Variants in CHL1 observed in about 807,000 individuals in gnomAD.
CHL1 encodes the protein neural cell adhesion molecule L1-like protein.
A neutral mutation model predicts 141.9 loss-of-function variants in CHL1; 96 were observed. That is an observed-to-expected ratio of 0.68 (90% CI 0.57 to 0.80). The LOEUF is 0.80. Among genes scored for constraint, CHL1 ranks in the 30% least tolerant of loss-of-function variants. CHL1 has a pLI of 0.00. For synonymous variants in CHL1, 613 were observed against 502.2 expected, an observed-to-expected ratio of 1.22 and a Z score of -2.95; for missense variants, 1,820 against 1,457.2, an observed-to-expected ratio of 1.25 and a Z score of -4.05.
intron 27 of CHL1, among the ~76,000 whole-genome samples, chr3:401,905 C>G (rs149220963): frequency 1.2e-3 from 189 of 152,336 alleles, no homozygotes; most frequent in African/African-American, 4.2e-3. Context: ...TAATTACCGT[C>G]TAGGCAGAAA....
rs1194652807 is a variant in CHL1 at position 252,371 on chromosome 3, T to TATATAC, written c.-95+7684_-95+7685insCATATA. 4.5e-4 allele frequency among the ~76,000 whole-genome samples: 53 copies of TATATAC among 117,922 alleles called. 1 individual carries two copies. Among genetic ancestry groups the TATATAC allele is most frequent in the African/African-American group, 1.6e-3 (53 of 32,724 alleles). The allele number at this position is 117,922 out of a possible 152,430, so 77.4% of individuals were successfully genotyped here. On this transcript the variant is annotated intron_variant, in intron 2 of 27. Coordinates refer to ENST00000256509, the MANE Select transcript of CHL1 (RefSeq NM_006614.4). ...TTAAGAAAGCATCCAGATATATATA[T>TATATAC]ATATATATATATATATATATATATA...
At chr3:403,017 G>A (rs1487625565) in intron 27 of CHL1, among the ~76,000 whole-genome samples, 1 of 152,170 alleles carries the variant, frequency 6.6e-6, no homozygotes, top group Non-Finnish European at 1.5e-5. Flanking sequence ...TCATGAGGTT[G>A]CAGCAAGGTT....
chr3:341,116 G>A (rs1702313901), intron 6 of CHL1, among the ~76,000 whole-genome samples, 200 bp downstream of exon 6: 1 of 152,112 alleles, frequency 6.6e-6, no homozygotes, highest in Non-Finnish European at 1.5e-5. Flanking sequence ...ACTTACCTTT[G>A]GAATATAGAT....
intron 2 of CHL1, among the ~76,000 whole-genome samples, chr3:278,181 A>G (rs765856005): frequency 6.6e-6 from 1 of 152,246 alleles, no homozygotes; most frequent in African/African-American, 2.4e-5. Context: ...GCAAATTAAA[A>G]TTACAAGAAT....
chr3:350,031 C>T (rs1703109733), intron 10 of CHL1, among the ~76,000 whole-genome samples: 1 of 152,176 alleles, frequency 6.6e-6, no homozygotes, highest in Admixed American at 6.5e-5. Flanking sequence ...GTTGTGTCAG[C>T]TCTTTCCTGC....
chr3:299,001 T>C (rs1024915732), intron 2 of CHL1, among the ~76,000 whole-genome samples: 5 of 152,156 alleles, frequency 3.3e-5, no homozygotes, highest in Non-Finnish European at 7.4e-5. Context: ...GAATCTTATT[T>C]GGATGGTGGA....
intron 18 of CHL1, 30 bp downstream of exon 18, chr3:382,701 C>A: frequency 6.3e-7 from 1 of 1,581,316 alleles, no homozygotes; most frequent in Non-Finnish European, 8.7e-7. Flanking sequence ...AGGTTTCTAA[C>A]AAAATATTTG....
Position 349,355 on chromosome 3 carries a change from G to T in CHL1, c.849-4G>T. The T allele has an allele frequency of 6.2e-7, 1 of 1,600,542 alleles. No homozygotes were observed. Among genetic ancestry groups the T allele is most frequent in the Non-Finnish European group, 8.5e-7 (1 of 1,176,118 alleles). ...ATGTTTATTTATTTAACTATTTTTT[G>T]CAGGCCAACTCCACAGGTTGATTGG... is the stretch of plus-strand genomic sequence containing the variant. On this transcript the variant is annotated splice_region_variant and splice_polypyrimidine_tract_variant and intron_variant, in intron 9 of 27. Transcript: ENST00000256509.
chr3:276,098 T>A (rs1279414009), intron 2 of CHL1, among the ~76,000 whole-genome samples: 4 of 151,910 alleles, frequency 2.6e-5, no homozygotes, highest in South Asian at 2.1e-4. Flanking sequence ...ATTATTCTTT[T>A]AAAAATTAAG....
intron 1 of CHL1, among the ~76,000 whole-genome samples, chr3:201,266 A>C (rs897773577): frequency 2.0e-5 from 3 of 152,222 alleles, no homozygotes; most frequent in Non-Finnish European, 2.9e-5. Flanking sequence ...CGAATGTTTT[A>C]AGTCAGTGCA....
At chr3:306,685 T>A (rs552163294) in intron 2 of CHL1, among the ~76,000 whole-genome samples, 3 of 151,972 alleles carry the variant, frequency 2.0e-5, no homozygotes, top group Non-Finnish European at 4.4e-5. Flanking sequence ...AAAAGAAATG[T>A]GATGACAAAA....
rs535462206 is a variant in CHL1, at chr3:391,924, T to C, written c.2914+127T>C. ...GTTTGTAAGCTGCCGTTCTTCCTTG[T>C]AGCCCAGGGGTCTGTAAACTGGCTT... On this transcript the variant is annotated intron_variant, in intron 23 of 27. Coordinates refer to ENST00000256509, the MANE Select transcript of CHL1 (RefSeq NM_006614.4). 1.5e-4 allele frequency: 108 copies of C among 724,582 alleles called. No homozygotes were observed. The African/African-American group carries it at 1.9e-3, about 13-fold the overall frequency. 44.9% of individuals were successfully genotyped at this position (724,582 alleles called of 1,614,324 possible). A position where few individuals can be genotyped will look rare whatever the true frequency, so the allele number is the denominator to read the frequency against.
chr3:240,307 T>C (rs1175735196), intron 1 of CHL1, among the ~76,000 whole-genome samples: 5 of 152,210 alleles, frequency 3.3e-5, no homozygotes, highest in Non-Finnish European at 2.9e-5. Flanking sequence ...AGTCAGGTGG[T>C]ACAGAGATGT....
chr3:369,118 T>C (rs1705285167), intron 15 of CHL1, among the ~76,000 whole-genome samples: 2 of 152,210 alleles, frequency 1.3e-5, no homozygotes, highest in African/African-American at 4.8e-5. Flanking sequence ...TAGTTTTTTT[T>C]CTAATTCTGT....
chr3:269,045 C>A (rs1352572007), intron 2 of CHL1, among the ~76,000 whole-genome samples: 1 of 152,102 alleles, frequency 6.6e-6, no homozygotes, highest in Non-Finnish European at 1.5e-5. Context: ...CCTGGTATAC[C>A]ATTTACTAAA....
intron 16 of CHL1, among the ~76,000 whole-genome samples, chr3:379,161 A>C (rs1180572056): frequency 1.3e-5 from 2 of 152,112 alleles, no homozygotes; most frequent in Non-Finnish European, 1.5e-5. Context: ...GTACAGACCA[A>C]GGGAGAAAGT....
At chr3:289,980 G>A (rs1483943863) in intron 2 of CHL1, among the ~76,000 whole-genome samples, 14 of 138,490 alleles carry the variant, frequency 1.0e-4, no homozygotes, top group Non-Finnish European at 2.0e-4. Flanking sequence ...TATCACCCAG[G>A]GTGGAGTGCA....
At chr3:341,853 G>A in intron 6 of CHL1, 59 bp from the exon 7 acceptor site, 3 of 1,302,716 alleles carry the variant, frequency 2.3e-6, no homozygotes, top group East Asian at 5.0e-5. Context: ...AATGAAAAAG[G>A]AAGATGAAGC....
intron 6 of CHL1, 142 bp downstream of exon 6, chr3:341,058 G>T: frequency 2.4e-6 from 2 of 842,258 alleles, no homozygotes; most frequent in Non-Finnish European, 3.6e-6. Context: ...CTACTAATAT[G>T]ATAAGATTTG....
Sources: allele counts gnomAD v4.1 joint callset (sites outside exome capture counted in the v4.1 genomes callset), GRCh38; gene constraint gnomAD v4.1.1; transcripts MANE v1.5; gene names NCBI Gene and HGNC (gene_info 2026-07-23, HGNC 2026-07-21).